Variants in TTC28 observed in about 807,000 individuals in gnomAD.
TTC28 encodes tetratricopeptide repeat domain 28, also known as tetratricopeptide repeat protein 28.
Under a neutral mutation model 198.0 loss-of-function variants are expected in TTC28, and 61 were observed. That is an observed-to-expected ratio of 0.31 (90% CI 0.25 to 0.38). The LOEUF (loss-of-function observed/expected upper bound fraction) is 0.38. Ranked by LOEUF, TTC28 falls within the 10% of genes least tolerant of loss-of-function variation. The probability of loss-of-function intolerance (pLI) is 1.00; values close to 1 mark genes in which losing one functional copy is unlikely to be tolerated. For missense variants in TTC28, 2,678 were observed against 3,164.0 expected (o/e 0.85, Z 3.69); for synonymous variants, 1,171 against 1,297.8 (o/e 0.90, Z 2.10).
chr22:28,245,861 A>G (rs1930052790), intron 5 of TTC28, among the ~76,000 whole-genome samples: 1 of 152,176 alleles, frequency 6.6e-6, no homozygotes, highest in South Asian at 2.1e-4. Flanking sequence ...TTAGCCCCCT[A>G]TACGAACTTT....
At chr22:28,024,644 C>A (rs1036540994) in intron 13 of TTC28, among the ~76,000 whole-genome samples, 6 of 152,180 alleles carry the variant, frequency 3.9e-5, no homozygotes, top group African/African-American at 9.7e-5. Flanking sequence ...CAGTGAGGGG[C>A]AGATTTCATC....
chr22:28,369,850 G>A (rs868782657), intron 2 of TTC28, among the ~76,000 whole-genome samples: 1 of 152,030 alleles, frequency 6.6e-6, no homozygotes, highest in Non-Finnish European at 1.5e-5. Context: ...AGAGTAATAG[G>A]AATATACAGT....
intron 5 of TTC28, among the ~76,000 whole-genome samples, chr22:28,260,351 T>C (rs1931233580): frequency 6.6e-6 from 1 of 152,178 alleles, no homozygotes; most frequent in Non-Finnish European, 1.5e-5. Flanking sequence ...GGAGTCTATT[T>C]TAACCATCTA....
chr22:28,130,291 A>G (rs1442534454), intron 6 of TTC28, among the ~76,000 whole-genome samples: 1 of 152,180 alleles, frequency 6.6e-6, no homozygotes, highest in Non-Finnish European at 1.5e-5. Flanking sequence ...AATTAAAGAT[A>G]TTGCTCCCTT....
At chr22:28,644,390 C>T (rs1212723632) in intron 1 of TTC28, among the ~76,000 whole-genome samples, 1 of 125,848 alleles carries the variant, frequency 7.9e-6, no homozygotes, top group Non-Finnish European at 1.7e-5. Context: ...CAGAGCAAGA[C>T]TCCATCTCAA....
chr22:28,454,343 TA>T (rs1043137206), intron 2 of TTC28, among the ~76,000 whole-genome samples: 2 of 152,250 alleles, frequency 1.3e-5, no homozygotes, highest in African/African-American at 4.8e-5. Context: ...AAATATTTAC[TA>T]AACAAATAAA....
At position 28,163,073 on chromosome 22, in the gene TTC28, C is replaced by T. The variant is rs1041501842; in HGVS notation, c.1441+19G>A. On this transcript the variant is annotated intron_variant, in intron 6 of 22. Transcript: ENST00000397906. ...CTCATGACTTTGACCTGGGCTCTTA[C>T]AGGCAACCCTGTTCTTACCTAGATT... The T allele has an allele frequency of 6.6e-6, 10 of 1,523,026 alleles. No individual in the cohort carries two copies. Among genetic ancestry groups the T allele is most frequent in the African/African-American group, 1.4e-5 (1 of 72,340 alleles). 94.3% of individuals were successfully genotyped at this position (1,523,026 alleles called of 1,614,324 possible). A position where few individuals can be genotyped will look rare whatever the true frequency, so the allele number is the denominator to read the frequency against.
At chr22:28,392,038 G>A (rs987841194) in intron 2 of TTC28, among the ~76,000 whole-genome samples, 1 of 152,202 alleles carries the variant, frequency 6.6e-6, no homozygotes, top group South Asian at 2.1e-4. Context: ...TGTCCTTTCT[G>A]TTTGTTAGTT....
chr22:28,615,409 G>C (rs542151480), intron 2 of TTC28, among the ~76,000 whole-genome samples: 33 of 152,294 alleles, frequency 2.2e-4, no homozygotes, highest in African/African-American at 6.3e-4. Context: ...CAAGTATCTA[G>C]AACTAGAAAT....
chr22:28,206,587 T>C lies in TTC28; in HGVS notation c.934-42988A>G, dbSNP rs999877489. Among the ~76,000 whole-genome samples the C allele has an allele frequency of 2.0e-5, 3 of 152,142 alleles. 1 individual carries two copies. In the East Asian group the frequency reaches 5.8e-4, roughly 29 times the overall value. ...ATACAAATCTGGTTAATATGTCCCTTGTAGTAGATGAGCTCTGATTAGTAT... is the reference window on the plus strand; with the variant it reads ...ATACAAATCTGGTTAATATGTCCCTCGTAGTAGATGAGCTCTGATTAGTAT... On this transcript the variant is annotated intron_variant, in intron 5 of 22. Transcript: ENST00000397906.
At chr22:28,536,597 C>A (rs182234402) in intron 2 of TTC28, among the ~76,000 whole-genome samples, 101 of 152,146 alleles carry the variant, frequency 6.6e-4, no homozygotes, top group Non-Finnish European at 9.3e-4. Context: ...GCACTCCAGC[C>A]TGGGCGACAG....
intron 6 of TTC28, among the ~76,000 whole-genome samples, chr22:28,141,298 A>T (rs1262228816): frequency 6.6e-6 from 1 of 152,128 alleles, no homozygotes; most frequent in Non-Finnish European, 1.5e-5. Context: ...CCTTCATAGT[A>T]CTTAGCTGTA....
intron 2 of TTC28, among the ~76,000 whole-genome samples, chr22:28,552,969 G>C (rs1306218231): frequency 2.0e-5 from 3 of 152,046 alleles, no homozygotes; most frequent in African/African-American, 7.2e-5. Flanking sequence ...GTATTTTTTT[G>C]GTGGAGACGG....
intron 1 of TTC28, among the ~76,000 whole-genome samples, chr22:28,641,465 C>T (rs1175783487): frequency 6.6e-6 from 1 of 152,076 alleles, no homozygotes; most frequent in African/African-American, 2.4e-5. Context: ...GTAGACAAAT[C>T]CATTGATATG....
At chr22:28,639,088 T>C (rs140901621) in intron 1 of TTC28, among the ~76,000 whole-genome samples, 5 of 152,320 alleles carry the variant, frequency 3.3e-5, no homozygotes, top group African/African-American at 1.2e-4. Context: ...CTTACATGTG[T>C]AAACAAAATA....
chr22:28,081,596 G>A (rs747927306), intron 12 of TTC28, among the ~76,000 whole-genome samples: 3 of 151,446 alleles, frequency 2.0e-5, no homozygotes, highest in Admixed American at 6.6e-5. Context: ...GGGTTCAAGT[G>A]ATTCTCCCCC....
chr22:28,225,115 GTAATCCC>G lies in TTC28; in HGVS notation c.934-61523_934-61517del, dbSNP rs1465371465. Reference sequence around the variant, plus strand: ...GCTGGCTGGGCACAATGGCTCACCTGTAATCCCAGCACTTTGGGAGGCCGAGGTCAGG... The same window carrying G: ...GCTGGCTGGGCACAATGGCTCACCTGAGCACTTTGGGAGGCCGAGGTCAGG... On this transcript the variant is annotated intron_variant, in intron 5 of 22. Transcript: ENST00000397906. Among the ~76,000 whole-genome samples, 695 of 152,182 alleles carry G rather than the reference GTAATCCC, an allele frequency of 4.6e-3. 4 individuals carry two copies. Among genetic ancestry groups the G allele is most frequent in the African/African-American group, 0.015 (623 of 41,524 alleles).
intron 2 of TTC28, among the ~76,000 whole-genome samples, chr22:28,374,847 A>G (rs191069399): frequency 1.9e-3 from 289 of 151,156 alleles, no homozygotes; most frequent in African/African-American, 6.6e-3. Flanking sequence ...ATGCTCAGCT[A>G]ATTTTTTTTT....
At chr22:28,494,058 A>G (rs949616632) in intron 2 of TTC28, among the ~76,000 whole-genome samples, 16 of 152,230 alleles carry the variant, frequency 1.1e-4, no homozygotes, top group Admixed American at 7.2e-4. Flanking sequence ...ACTATCTGAT[A>G]ATACTAAGAA....
Sources: gnomAD v4.1 joint callset for allele counts (sites outside exome capture counted in the v4.1 genomes callset) on GRCh38, gnomAD v4.1.1 for gene constraint, MANE v1.5 for transcripts, NCBI Gene and HGNC (gene_info 2026-07-23, HGNC 2026-07-21) for gene names.